POLR1C: variants seen among roughly 807,000 people sequenced by gnomAD.
POLR1C encodes the protein RNA polymerase I and III subunit C.
A neutral mutation model predicts 38.3 loss-of-function variants in POLR1C; 42 were observed. The ratio of observed to expected loss-of-function variants is 1.10; its 90% CI spans 0.86 to 1.42. The LOEUF is 1.42. POLR1C is among the 40% of genes most tolerant of loss of function. The pLI is 0.00. For synonymous variants in POLR1C, 163 were observed against 163.9 expected (o/e 0.99, Z 0.04); for missense variants, 507 against 450.5 (o/e 1.13, Z -1.14).
Position 43,520,340 on chromosome 6 carries a change from A to C in POLR1C, c.568A>C (p.Ile190Leu), listed in dbSNP as rs772651558. The change falls in exon 6 of 9, where the codon ATC becomes CTC. Residue 190 changes from isoleucine (I) to leucine (L), a missense_variant. Transcript: ENST00000642195. The stretch of plus-strand genomic sequence containing the variant: ...GGCTGATCTCTTTCCAGAGGGCACT[A>C]TCCGACCAGTGCATGATGATATCCT... ...NQADLFPEGT[I>L]RPVHDDILIA... 6.2e-7 allele frequency: 1 copy of C among 1,613,540 alleles called. No homozygotes were observed. The highest frequency in any genetic ancestry group is 2.2e-5 in the East Asian group (1 of 44,876).
At chr6:43,561,221 A>G (rs1199930050) in intron 10 of POLR1C, among the ~76,000 whole-genome samples, 3 of 152,050 alleles carry the variant, frequency 2.0e-5, no homozygotes, top group African/African-American at 4.8e-5. Flanking sequence ...TGCCTACTCA[A>G]TCATCATCAT....
At chr6:43,538,756 GA>G (rs1794505534) in intron 9 of POLR1C, 3 of 582,570 alleles carry the variant, frequency 5.1e-6, no homozygotes, top group Non-Finnish European at 8.7e-6. Context: ...ATGAGTTATG[GA>G]GCACTACATT....
chr6:43,541,295 C>T (rs1794677932), intron 9 of POLR1C, among the ~76,000 whole-genome samples: 4 of 152,128 alleles, frequency 2.6e-5, no homozygotes, highest in Admixed American at 2.6e-4. Context: ...AGGATAAATG[C>T]TTGAGGGGAT....
chr6:43,521,822 C>T (rs189964809), downstream of POLR1C, among the ~76,000 whole-genome samples: 31 of 152,192 alleles, frequency 2.0e-4, no homozygotes, highest in Admixed American at 7.2e-4. Flanking sequence ...TGTGAGCCAC[C>T]GCGAAAAACA....
chr6:43,533,671 A>G, downstream of POLR1C: 1 of 298,260 alleles, frequency 3.4e-6, no homozygotes, highest in South Asian at 3.3e-5. Flanking sequence ...ACTCTGTCTC[A>G]ACAAAAAAAT....
intron 4 of POLR1C, 59 bp downstream of exon 4, chr6:43,519,897 T>G: frequency 6.3e-7 from 1 of 1,577,560 alleles, no homozygotes; most frequent in Non-Finnish European, 8.6e-7. Flanking sequence ...TGGTTGACTG[T>G]GATGTTGGGT....
chr6:43,531,344 C>T (rs1793962622), downstream of POLR1C: 1 of 772,046 alleles, frequency 1.3e-6, no homozygotes, highest in South Asian at 1.8e-5. Context: ...TTCTATTTAA[C>T]ACTAGAATGA....
intron 10 of POLR1C, among the ~76,000 whole-genome samples, chr6:43,557,104 G>A (rs1463793297): frequency 8.8e-5 from 13 of 148,316 alleles, no homozygotes; most frequent in Non-Finnish European, 1.9e-4. Context: ...CTCCAGCCTG[G>A]GCGACAGAGC....
chr6:43,558,553 T>C (rs1348785804), intron 10 of POLR1C: 1 of 1,603,736 alleles, frequency 6.2e-7, no homozygotes, highest in African/African-American at 1.3e-5. Context: ...ACCGAGAATA[T>C]TCACAGCTAG....
At chr6:43,542,111 A>T (rs1430337451) in intron 9 of POLR1C, among the ~76,000 whole-genome samples, 1 of 151,870 alleles carries the variant, frequency 6.6e-6, no homozygotes, top group Non-Finnish European at 1.5e-5. Flanking sequence ...TGTATTTTAT[A>T]CTTACAGTTC....
chr6:43,526,435 TG>T (rs2127700204), downstream of POLR1C: 2 of 530,584 alleles, frequency 3.8e-6, no homozygotes, highest in East Asian at 6.3e-5. Context: ...GAGGTGACAT[TG>T]GAATAAAGCA....
At chr6:43,554,457 G>T (rs1376407076) in intron 10 of POLR1C, among the ~76,000 whole-genome samples, 1 of 139,208 alleles carries the variant, frequency 7.2e-6, no homozygotes, top group Non-Finnish European at 1.5e-5. Flanking sequence ...ATGGAGTCCC[G>T]CTCTTTGCCC....
rs540772244 is a variant in POLR1C at position 43,562,285 on chromosome 6, C to A, written c.*934C>A. The A allele has an allele frequency of 3.7e-6, 6 of 1,609,322 alleles. No homozygotes were observed. In the South Asian group the frequency reaches 5.6e-5, roughly 15 times the overall value. On this transcript the variant is annotated 3_prime_UTR_variant, in exon 11 of 11. Transcript: ENST00000607635. ...AGCTGATTGCCCAGCGCACACAACA[C>A]CTGACAGAGCCTCTTCAGAAAGACG...
At chr6:43,555,748 A>T in intron 10 of POLR1C, 1 of 1,527,572 alleles carries the variant, frequency 6.5e-7, no homozygotes, top group Non-Finnish European at 8.9e-7. Flanking sequence ...TATCGTTCTG[A>T]TGTGTGTATA....
chr6:43,539,145 G>A (rs1582211776), intron 9 of POLR1C: 5 of 1,140,966 alleles, frequency 4.4e-6, no homozygotes, highest in South Asian at 2.6e-5. Flanking sequence ...GAGCCACGGC[G>A]GCCTGTCACC....
At chr6:43,537,060 GGGCTCAAGTGGCCCTTCCACCTCA>G (rs1412791694) in intron 9 of POLR1C, among the ~76,000 whole-genome samples, 2 of 152,112 alleles carry the variant, frequency 1.3e-5, no homozygotes, top group East Asian at 3.9e-4. Flanking sequence ...TCAAACTCCT[GGGCTCAAGTGGCCCTTCCACCTCA>G]GGCTCCCGAG....
At chr6:43,517,482 GTAAGT>G (rs1792894461) in intron 2 of POLR1C, 105 bp downstream of exon 2, 1 of 983,142 alleles carries the variant, frequency 1.0e-6, no homozygotes, top group Non-Finnish European at 1.6e-6. Context: ...CGCTCCGTTT[GTAAGT>G]TTGTTGAGCA....
At chr6:43,544,333 C>T (rs1322240254) in intron 9 of POLR1C, 1 of 152,994 alleles carries the variant, frequency 6.5e-6, no homozygotes, top group Admixed American at 6.5e-5. Context: ...GAGGAAAAAA[C>T]TGGAGAAAGA....
chr6:43,524,116 C>T (rs1339678710), downstream of POLR1C: 18 of 1,453,860 alleles, frequency 1.2e-5, no homozygotes, highest in East Asian at 4.2e-4. Flanking sequence ...TTTTGGGAGG[C>T]CAAGGCGGGT....
Sources: allele counts gnomAD v4.1 joint callset (sites outside exome capture counted in the v4.1 genomes callset), GRCh38; gene constraint gnomAD v4.1.1; transcripts MANE v1.5; gene names NCBI Gene and HGNC (gene_info 2026-07-23, HGNC 2026-07-21).